The following ACVR1C variants were observed in gnomAD, a reference collection of about 807,000 sequenced individuals.
ACVR1C encodes activin receptor type-1C.
A neutral mutation model predicts 57.9 loss-of-function variants in ACVR1C; 23 were observed. The ratio of observed to expected loss-of-function variants is 0.40; its 90% CI spans 0.29 to 0.56. The LOEUF is 0.56. Ranked by LOEUF, ACVR1C falls within the 20% of genes least tolerant of loss-of-function variation. ACVR1C has a pLI of 0.50. For synonymous variants in ACVR1C, 214 were observed against 215.3 expected, an observed-to-expected ratio of 0.99 and a Z score of 0.05; for missense variants, 480 against 607.9, an observed-to-expected ratio of 0.79 and a Z score of 2.21.
At chr2:157,539,851 C>T (rs1391825085) in intron 7 of ACVR1C, among the ~76,000 whole-genome samples, 1 of 152,092 alleles carries the variant, frequency 6.6e-6, no homozygotes, top group Non-Finnish European at 1.5e-5. Context: ...TTGTAGATCC[C>T]TGAATGTTTT....
At chr2:157,559,470 T>C (rs1336241543) in intron 2 of ACVR1C, among the ~76,000 whole-genome samples, 1 of 152,182 alleles carries the variant, frequency 6.6e-6, no homozygotes, top group African/African-American at 2.4e-5. Context: ...AAAACAATCA[T>C]GCAGCTAAGA....
chr2:157,619,710 A>G (rs2105157282), intron 1 of ACVR1C, among the ~76,000 whole-genome samples: 1 of 152,164 alleles, frequency 6.6e-6, no homozygotes, highest in African/African-American at 2.4e-5. Flanking sequence ...ATAAAAAGCA[A>G]TAACTTAAAC....
intron 1 of ACVR1C, among the ~76,000 whole-genome samples, chr2:157,598,777 G>T (rs1053750611): frequency 2.6e-5 from 4 of 151,948 alleles, no homozygotes; most frequent in African/African-American, 9.7e-5. Context: ...GACCTCAAAT[G>T]ATCCACCCAT....
chr2:157,574,840 G>T (rs1009954801), intron 2 of ACVR1C, among the ~76,000 whole-genome samples: 1 of 152,176 alleles, frequency 6.6e-6, no homozygotes, highest in South Asian at 2.1e-4. Context: ...CAGCTCCCTT[G>T]TTGCTGTCCT....
At chr2:157,615,981 GT>G (rs1682638678) in intron 1 of ACVR1C, among the ~76,000 whole-genome samples, 1 of 152,048 alleles carries the variant, frequency 6.6e-6, no homozygotes, top group African/African-American at 2.4e-5. Context: ...TGGTCTATTG[GT>G]GTAGGGTTTG....
At chr2:157,597,559 A>AC (rs1170595384) in intron 1 of ACVR1C, 2 of 984,696 alleles carry the variant, frequency 2.0e-6, no homozygotes, top group Admixed American at 6.2e-5. Context: ...CGGCAGCGCA[A>AC]CCCCCAGGAG....
intron 1 of ACVR1C, among the ~76,000 whole-genome samples, chr2:157,611,826 T>C (rs1292096034): frequency 6.6e-6 from 1 of 152,040 alleles, no homozygotes; most frequent in Admixed American, 6.5e-5. Context: ...ATGCTTGGGC[T>C]CTGTGGTTGT....
chr2:157,618,231 T>C (rs1682696178), intron 1 of ACVR1C, among the ~76,000 whole-genome samples: 2 of 151,652 alleles, frequency 1.3e-5, no homozygotes, highest in Non-Finnish European at 1.5e-5. Flanking sequence ...GAGAGGGAAA[T>C]GGAGGCATAT....
At chr2:157,604,418 G>T (rs1682348477) in intron 1 of ACVR1C, among the ~76,000 whole-genome samples, 1 of 151,944 alleles carries the variant, frequency 6.6e-6, no homozygotes, top group African/African-American at 2.4e-5. Flanking sequence ...TATTCACCAT[G>T]TTGCACACAT....
In ACVR1C at chr2:157,628,703, G is replaced by A; in HGVS notation, c.-59C>T. ...CCCAGAGCAGAGCGAGGCAGCCGGGGCAGCACGGCCCGCTTTGAAGTTCCC... is the reference window on the plus strand; with the variant it reads ...CCCAGAGCAGAGCGAGGCAGCCGGGACAGCACGGCCCGCTTTGAAGTTCCC... On this transcript the variant is annotated 5_prime_UTR_variant, in exon 1 of 9. Transcript: ENST00000243349. The A allele has an allele frequency of 7.1e-7, 1 of 1,408,982 alleles. No homozygotes were observed. Among genetic ancestry groups the A allele is most frequent in the Non-Finnish European group, 9.3e-7 (1 of 1,070,628 alleles). The allele number at this position is 1,408,982 out of a possible 1,614,324, so 87.3% of individuals were successfully genotyped here. A position where few individuals can be genotyped will look rare whatever the true frequency, so the allele number is the denominator to read the frequency against.
At chr2:157,597,447 G>C (rs925812659) in intron 1 of ACVR1C, 18 of 985,314 alleles carry the variant, frequency 1.8e-5, no homozygotes, top group Non-Finnish European at 2.0e-5. Flanking sequence ...ATTTGCGAAG[G>C]GACACCCTGC....
At chr2:157,604,916 C>CA (rs1682358930) in intron 1 of ACVR1C, among the ~76,000 whole-genome samples, 2 of 151,764 alleles carry the variant, frequency 1.3e-5, no homozygotes, top group Non-Finnish European at 3.0e-5. Flanking sequence ...CTAATTTATT[C>CA]AATATTTTTC....
chr2:157,538,411 T>C (rs930199259), intron 8 of ACVR1C, among the ~76,000 whole-genome samples, 162 bp downstream of exon 8: 6 of 152,146 alleles, frequency 3.9e-5, no homozygotes, highest in African/African-American at 1.2e-4. Context: ...GCATTATGCA[T>C]GCACAGCACT....
At position 157,565,073 on chromosome 2, in the gene ACVR1C, A is replaced by G. The variant is rs1688330137; in HGVS notation, c.305-8741T>C. On this transcript the variant is annotated intron_variant, in intron 2 of 8. Transcript: ENST00000243349. ...AAAGCACCATGGCACACGTATACCTATGTAACAAACCTGCCCGTTCTGTAC... is the reference window on the plus strand; with the variant it reads ...AAAGCACCATGGCACACGTATACCTGTGTAACAAACCTGCCCGTTCTGTAC... Among the ~76,000 whole-genome samples the G allele has an allele frequency of 1.3e-5, 2 of 152,308 alleles. 1 individual carries two copies. Among genetic ancestry groups the G allele is most frequent in the South Asian group, 4.1e-4 (2 of 4,822 alleles).
At chr2:157,577,813 T>C (rs1276656705) in intron 2 of ACVR1C, among the ~76,000 whole-genome samples, 1 of 152,178 alleles carries the variant, frequency 6.6e-6, no homozygotes, top group African/African-American at 2.4e-5. Context: ...TTCTGTGTGC[T>C]TCCTTTTCTC....
intron 2 of ACVR1C, among the ~76,000 whole-genome samples, chr2:157,561,662 A>T (rs1688231716): frequency 6.6e-6 from 1 of 152,218 alleles, no homozygotes; most frequent in African/African-American, 2.4e-5. Context: ...TGCTTTTTGT[A>T]AAAAACAGAG....
intron 1 of ACVR1C, among the ~76,000 whole-genome samples, chr2:157,599,314 C>CAAAAA (rs60182304): frequency 9.9e-5 from 4 of 40,608 alleles, no homozygotes; most frequent in African/African-American, 4.2e-4. Context: ...AGCCTGGGCT[C>CAAAAA]AAAAAAAAAA....
chr2:157,582,754 A>G (rs1383015471), intron 2 of ACVR1C, among the ~76,000 whole-genome samples: 1 of 152,252 alleles, frequency 6.6e-6, no homozygotes, highest in Non-Finnish European at 1.5e-5. Context: ...AAAATTCTGT[A>G]TCTTCTATAT....
At chr2:157,564,568 C>T (rs1169550719) in intron 2 of ACVR1C, among the ~76,000 whole-genome samples, 2 of 152,114 alleles carry the variant, frequency 1.3e-5, no homozygotes, top group Admixed American at 1.3e-4. Flanking sequence ...GGATCTAGAA[C>T]CAGGAATACC....
Sources: allele counts gnomAD v4.1 joint callset (sites outside exome capture counted in the v4.1 genomes callset), GRCh38; gene constraint gnomAD v4.1.1; transcripts MANE v1.5; gene names NCBI Gene and HGNC (gene_info 2026-07-23, HGNC 2026-07-21).